Variants in FIBP observed in about 807,000 individuals in gnomAD.
FIBP encodes the protein acidic fibroblast growth factor intracellular-binding protein.
In FIBP, 29 loss-of-function variants were observed where a neutral mutation model predicts 40.5. The ratio of observed to expected loss-of-function variants is 0.72; its 90% CI spans 0.53 to 0.98. FIBP has a LOEUF of 0.98. FIBP is among the 50% of genes least tolerant of loss of function. FIBP has a pLI of 0.00. For synonymous variants in FIBP, 215 were observed against 191.1 expected, an observed-to-expected ratio of 1.13 and a Z score of -1.03; for missense variants, 411 against 470.2, an observed-to-expected ratio of 0.87 and a Z score of 1.16.
Position 65,886,373 on chromosome 11 carries a change from G to C in FIBP, c.461C>G (p.Ser154Cys). 1 of 1,613,912 alleles carries C rather than the reference G, an allele frequency of 6.2e-7. No homozygotes were observed. The highest frequency in any genetic ancestry group is 8.5e-7 in the Non-Finnish European group (1 of 1,179,968). The change falls in exon 4 of 10, where the codon TCC (serine) becomes TGC (cysteine). Residue 154 changes from serine to cysteine, a missense_variant. Transcript: ENST00000357519. ...VFKVVEEMRG[S>C]LVDNIQQHFL... ...GTGTTGCTGAATATTGTCCACCAGGGAGCCCCGCATTTCCTCTACCACCTT... is the reference window on the plus strand; with the variant it reads ...GTGTTGCTGAATATTGTCCACCAGGCAGCCCCGCATTTCCTCTACCACCTT...
chr11:65,886,669 A>G (rs1372513665), intron 3 of FIBP: 3 of 442,234 alleles, frequency 6.8e-6, no homozygotes, highest in Non-Finnish European at 1.2e-5. Flanking sequence ...CTCTAAATCC[A>G]ACCCCATTTT....
In FIBP at chr11:65,883,937, C is replaced by G. The variant is rs1410585652; in HGVS notation, c.*37G>C. ...GGACCAGTCTCCAAACTCAGAGCAA[C>G]TTTATTGTCAGCGTGGGCGGAGCGT... is the stretch of plus-strand genomic sequence containing the variant. On this transcript the variant is annotated 3_prime_UTR_variant, in exon 10 of 10. Coordinates refer to ENST00000357519, the MANE Select transcript of FIBP (RefSeq NM_004214.5). 23 of 1,602,044 alleles carry G rather than the reference C, an allele frequency of 1.4e-5. No homozygotes were observed. Among genetic ancestry groups the G allele is most frequent in the Non-Finnish European group, 1.8e-5 (21 of 1,170,674 alleles).
At chr11:65,887,832 G>A (rs1412564557) in intron 2 of FIBP, 102 bp downstream of exon 2, 14 of 1,591,596 alleles carry the variant, frequency 8.8e-6, no homozygotes, top group Non-Finnish European at 1.1e-5. Context: ...TCAACTTTCT[G>A]ATGGCTGGGT....
chr11:65,884,516 C>G (rs759586902), intron 8 of FIBP, 27 bp from the exon 9 acceptor site: 29 of 1,614,000 alleles, frequency 1.8e-5, no homozygotes, highest in Non-Finnish European at 7.6e-6. Flanking sequence ...ATACTTAGCA[C>G]TTGTATAGGC....
intron 3 of FIBP, chr11:65,887,374 A>G: frequency 3.7e-6 from 2 of 544,066 alleles, no homozygotes; most frequent in South Asian, 4.0e-5. Context: ...TGAACCCAGG[A>G]GGCGGAGGTT....
rs755231302 is a variant in FIBP at position 65,885,061 on chromosome 11, G to A, written c.755+17C>T. On this transcript the variant is annotated intron_variant, in intron 6 of 9. Coordinates refer to ENST00000357519, the MANE Select transcript of FIBP (RefSeq NM_004214.5). ...CCCCTACTGCAGGCCCCGCCCCATG[G>A]GCCCCTACAAGGTCACCTCTTGTGC... 20 of 1,613,634 alleles carry A rather than the reference G, an allele frequency of 1.2e-5. No homozygotes were observed. In the South Asian group the frequency reaches 2.0e-4, roughly 16 times the overall value.
At position 65,885,152 on chromosome 11, in the gene FIBP, G is replaced by A. The variant is rs1860200421; in HGVS notation, c.681C>T (p.Asp227=). 1 of 1,405,100 alleles carries A rather than the reference G, an allele frequency of 7.1e-7. No homozygotes were observed. Among genetic ancestry groups the A allele is most frequent in the African/African-American group, 1.5e-5 (1 of 66,150 alleles). 87.0% of individuals were successfully genotyped at this position (1,405,100 alleles called of 1,614,324 possible). The part of the protein sequence containing the change: ...SQMDDMDMDL[D]KEFLQDLKEL... ...CCTTCAAGTCCTGGAGAAATTCCTT[G>A]TCTAAGTCCATGTCCATGTCATCCA... is the stretch of plus-strand genomic sequence containing the variant. The change falls in exon 6 of 10, where the codon GAC becomes GAT. Residue 227 remains aspartate (D), a synonymous_variant. Transcript: ENST00000357519.
intron 4 of FIBP, chr11:65,885,948 A>G (rs1565281457): frequency 1.1e-5 from 5 of 453,188 alleles, no homozygotes; most frequent in Admixed American, 3.8e-5. Flanking sequence ...TACATATGGT[A>G]CCTCTCAACA....
chr11:65,884,546 G>C, intron 8 of FIBP, 24 bp downstream of exon 8: 1 of 1,613,976 alleles, frequency 6.2e-7, no homozygotes, highest in Non-Finnish European at 8.5e-7. Context: ...ACCAGGTTGG[G>C]TGTCAGAGAG....
intron 1 of FIBP, 71 bp from the exon 2 acceptor site, chr11:65,888,203 A>G: frequency 1.3e-6 from 2 of 1,482,746 alleles, no homozygotes; most frequent in South Asian, 1.2e-5. Flanking sequence ...TCCATCCCAG[A>G]CCCCTATAAC....
intron 4 of FIBP, 184 bp downstream of exon 4, chr11:65,886,138 C>T (rs904037170): frequency 9.2e-6 from 5 of 541,748 alleles, no homozygotes; most frequent in Non-Finnish European, 1.3e-5. Flanking sequence ...TGCATTCCAG[C>T]CTGGGCAACA....
chr11:65,885,751 G>A, intron 4 of FIBP, 88 bp from the exon 5 acceptor site: 2 of 1,325,278 alleles, frequency 1.5e-6, no homozygotes, highest in Non-Finnish European at 2.1e-6. Context: ...GGGTGTCCGA[G>A]TTCTGGCCTC....
intron 3 of FIBP, 137 bp downstream of exon 3, chr11:65,887,463 A>T (rs1302847859): frequency 4.3e-6 from 4 of 934,136 alleles, no homozygotes; most frequent in Non-Finnish European, 6.7e-6. Context: ...AAAAAAAAAA[A>T]GGAGGGGAAA....
intron 3 of FIBP, chr11:65,887,358 A>G (rs1386863707): frequency 1.9e-6 from 1 of 523,594 alleles, no homozygotes; most frequent in African/African-American, 2.0e-5. Context: ...AGGCACAAGA[A>G]TTACCTGAAC....
Position 65,887,807 on chromosome 11 carries a change from T to C in FIBP, c.285-81A>G, listed in dbSNP as rs769474535. ...GGCGGGGCCTAGCAGGGCCTAGGTC[T>C]GACCCCTTCCACTCTCAACTTTCTG... On this transcript the variant is annotated intron_variant, in intron 2 of 9. Transcript: ENST00000357519. 1.1e-5 allele frequency: 17 copies of C among 1,598,324 alleles called. No homozygotes were observed. In the South Asian group the frequency reaches 1.9e-4, roughly 18 times the overall value.
intron 3 of FIBP, 192 bp from the exon 4 acceptor site, chr11:65,886,614 A>C: frequency 3.7e-6 from 2 of 539,092 alleles, no homozygotes; most frequent in East Asian, 3.0e-5. Flanking sequence ...ATGCTTAGCA[A>C]CTCCTGCTGT....
intron 3 of FIBP, chr11:65,887,223 A>G (rs1307387462): frequency 5.6e-6 from 2 of 356,572 alleles, no homozygotes; most frequent in Non-Finnish European, 5.4e-6. Flanking sequence ...GAGGCGGATG[A>G]TCACTTGAGG....
At position 65,885,971 on chromosome 11, in the gene FIBP, A is replaced by G; in HGVS notation, c.513-308T>C. On this transcript the variant is annotated intron_variant, in intron 4 of 9. Transcript: ENST00000357519. Reference sequence around the variant, plus strand: ...GTACCTCTCAACAGCCCAGCTGGAAATCGCTGGACTGTGCTTTGAATCCAG... The same window carrying G: ...GTACCTCTCAACAGCCCAGCTGGAAGTCGCTGGACTGTGCTTTGAATCCAG... 2 of 435,252 alleles carry G rather than the reference A, an allele frequency of 4.6e-6. 1 individual carries two copies. Among genetic ancestry groups the G allele is most frequent in the Non-Finnish European group, 8.3e-6 (2 of 241,238 alleles). The allele number at this position is 435,252 out of a possible 1,614,324, so 27.0% of individuals were successfully genotyped here.
Position 65,884,886 on chromosome 11 carries a change from AC to A in FIBP, c.819+48del, listed in dbSNP as rs574968598. On this transcript the variant is annotated intron_variant, in intron 7 of 9. Transcript: ENST00000357519. ...CAGAGCTGCCCGGTAGGGGTGGCGA[AC>A]TGGAGGCTGAAGATGCCAAGGGTCA... 9.2e-4 allele frequency: 1,478 copies of A among 1,604,332 alleles called. 4 individuals carry two copies. The highest frequency in any genetic ancestry group is 5.7e-3 in the Admixed American group (344 of 60,018).
Sources: gnomAD v4.1 joint callset for allele counts on GRCh38, gnomAD v4.1.1 for gene constraint, MANE v1.5 for transcripts, NCBI Gene and HGNC (gene_info 2026-07-23, HGNC 2026-07-21) for gene names.